The following SELENOO variants were observed in gnomAD, a reference collection of about 807,000 sequenced individuals.
SELENOO encodes protein adenylyltransferase SelO, mitochondrial.
In SELENOO, 74 loss-of-function variants were observed where a neutral mutation model predicts 58.7. The ratio of observed to expected loss-of-function variants is 1.26; its 90% CI spans 1.04 to 1.53. The LOEUF (loss-of-function observed/expected upper bound fraction) is 1.53, where lower values mean the gene tolerates loss of function less well. Among genes scored for constraint, SELENOO ranks in the 40% most tolerant of loss-of-function variants. SELENOO has a pLI of 0.00. For missense variants in SELENOO, 1,149 were observed against 970.0 expected (o/e 1.18, Z -2.45); for synonymous variants, 543 against 453.2 (o/e 1.20, Z -2.52).
intron 2 of SELENOO, among the ~76,000 whole-genome samples, chr22:50,207,248 C>A (rs1419065212): frequency 1.3e-5 from 2 of 152,118 alleles, no homozygotes; most frequent in Admixed American, 1.3e-4. Flanking sequence ...TCAGTCCCCC[C>A]AAATAGCTGG....
At position 50,216,960 on chromosome 22, in the gene SELENOO, ATGTCATTCCAGAGCCCGGC is replaced by A. The variant is rs1271779946; in HGVS notation, c.1689-9_1698del. 6.8e-6 allele frequency: 11 copies of A among 1,606,774 alleles called. No homozygotes were observed. Among genetic ancestry groups the A allele is most frequent in the Non-Finnish European group, 7.6e-6 (9 of 1,177,404 alleles). ...GCCCGGCTGTGACTCCAGAGCCCGG[ATGTCATTCCAGAGCCCGGC>A]TGGACAAGGACCTGGAAGGCGCTGG... On this transcript the variant is annotated splice_acceptor_variant and splice_polypyrimidine_tract_variant and coding_sequence_variant and intron_variant, in exon 8 of 9. Transcript: ENST00000380903. LOFTEE classifies it high-confidence loss of function.
intron 4 of SELENOO, 33 bp downstream of exon 4, chr22:50,210,344 C>A (rs756546573): frequency 6.2e-7 from 1 of 1,604,024 alleles, no homozygotes; most frequent in Non-Finnish European, 8.5e-7. Flanking sequence ...AAAGTGCAGG[C>A]CCCAGGGCTG....
At chr22:50,216,456 A>C (rs1251116149) in intron 6 of SELENOO, among the ~76,000 whole-genome samples, 1 of 152,248 alleles carries the variant, frequency 6.6e-6, no homozygotes, top group South Asian at 2.1e-4. Context: ...GCTGGGCAGC[A>C]GAGTGGTCCT....
intron 1 of SELENOO, among the ~76,000 whole-genome samples, chr22:50,204,535 G>A (rs1256419802): frequency 1.3e-5 from 2 of 152,044 alleles, no homozygotes; most frequent in Non-Finnish European, 2.9e-5. Flanking sequence ...GCTGAGGCAG[G>A]AGAATCACTT....
rs763374312 is a variant in SELENOO at position 50,206,301 on chromosome 22, CTG to C, written c.555-12_555-11del. On this transcript the variant is annotated splice_polypyrimidine_tract_variant and intron_variant, in intron 1 of 8. Transcript: ENST00000380903. ...TCCTGACCGGCCCACGTAGTGAACT[CTG>C]TGTTTGGTTTCAGACAGGCCGACGG... is the stretch of plus-strand genomic sequence containing the variant. 6.8e-6 allele frequency: 11 copies of C among 1,612,360 alleles called. No individual in the cohort carries two copies. Among genetic ancestry groups the C allele is most frequent in the East Asian group, 2.2e-5 (1 of 44,872 alleles).
chr22:50,217,606 A>AACTC lies in SELENOO; in HGVS notation c.*238_*241dup. On this transcript the variant is annotated 3_prime_UTR_variant, in exon 9 of 9. Transcript: ENST00000380903. Reference sequence around the variant, plus strand: ...GACCCAGGCTCCTAAATAAACCAGCAACTCCCTCGAGTCTGTCTCTGTGGT... The same window carrying AACTC: ...GACCCAGGCTCCTAAATAAACCAGCAACTCACTCCCTCGAGTCTGTCTCTGTGGT... 9.8e-7 allele frequency: 1 copy of AACTC among 1,024,350 alleles called. No individual in the cohort carries two copies. The highest frequency in any genetic ancestry group is 1.4e-6 in the Non-Finnish European group (1 of 711,242). 63.5% of individuals were successfully genotyped at this position (1,024,350 alleles called of 1,614,324 possible).
intron 1 of SELENOO, 60 bp downstream of exon 1, chr22:50,201,650 C>T (rs1377720238): frequency 1.2e-5 from 14 of 1,170,740 alleles, no homozygotes; most frequent in Non-Finnish European, 1.5e-5. Context: ...CCCCTTCCCT[C>T]CGCCCGGCGC....
chr22:50,212,755 A>G, intron 5 of SELENOO, among the ~76,000 whole-genome samples: 1 of 151,694 alleles, frequency 6.6e-6, no homozygotes, highest in Non-Finnish European at 1.5e-5. Flanking sequence ...GTGTAAGTGG[A>G]GTTACGCAGC....
At position 50,201,589 on chromosome 22, in the gene SELENOO, A is replaced by C; in HGVS notation, c.553A>C (p.Arg185=). The change falls in exon 1 of 9, where the codon AGA becomes CGA. Residue 185 remains arginine, a splice_region_variant and synonymous_variant. Coordinates refer to ENST00000380903, the MANE Select transcript of SELENOO (RefSeq NM_031454.2). The part of the protein sequence containing the change: ...LKGAGPTPFS[R]QADGRKVLRS... Reference sequence around the variant, plus strand: ...GGGCGCCGGGCCCACGCCCTTCTCCAGGTGGGCCGGGGCGGGCGAGGGGCG... The same window carrying C: ...GGGCGCCGGGCCCACGCCCTTCTCCCGGTGGGCCGGGGCGGGCGAGGGGCG... 7.7e-7 allele frequency: 1 copy of C among 1,299,868 alleles called. No individual in the cohort carries two copies. Among genetic ancestry groups the C allele is most frequent in the Non-Finnish European group, 9.8e-7 (1 of 1,021,160 alleles). The allele number at this position is 1,299,868 out of a possible 1,614,324, so 80.5% of individuals were successfully genotyped here.
At chr22:50,210,991 G>A in intron 5 of SELENOO, 80 bp downstream of exon 5, 1 of 1,503,842 alleles carries the variant, frequency 6.6e-7, no homozygotes, top group Non-Finnish European at 9.2e-7. Flanking sequence ...TGGCTTCCAG[G>A]TTCCAAGTGC....
At chr22:50,207,401 G>C (rs1274978239) in intron 2 of SELENOO, among the ~76,000 whole-genome samples, 1 of 152,040 alleles carries the variant, frequency 6.6e-6, no homozygotes, top group Non-Finnish European at 1.5e-5. Flanking sequence ...TAGAATTATA[G>C]GCCTGAGCCA....
intron 8 of SELENOO, 37 bp downstream of exon 8, chr22:50,217,165 G>T (rs368677884): frequency 1.2e-6 from 2 of 1,611,004 alleles, no homozygotes; most frequent in South Asian, 2.2e-5. Flanking sequence ...CCTGGGAGGG[G>T]GGTCGGCCCC....
At chr22:50,205,629 A>T (rs1239753993) in intron 1 of SELENOO, 1 of 152,370 alleles carries the variant, frequency 6.6e-6, no homozygotes, top group Non-Finnish European at 1.5e-5. Context: ...CACAGTGAAA[A>T]TAATTGAAGA....
Position 50,217,359 on chromosome 22 carries a change from G to C in SELENOO, c.2000G>C (p.Sec667Ser), listed in dbSNP as rs370673318. The C allele has an allele frequency of 4.5e-5, 72 of 1,612,640 alleles. No individual in the cohort carries two copies. The highest frequency in any genetic ancestry group is 5.7e-5 in the Non-Finnish European group (67 of 1,179,904). Residue 667 changes from selenocysteine to serine, a missense_variant, in exon 9 of 9, where the codon TGA becomes TCA. Transcript: ENST00000380903. ...TGGGCAGCAGAACTGTGCGTGACAT[G>C]ATCTTCGTAACGGCCTCGGCACGCT... ...PLWAAELCVT[U>S]SS
rs201931616 is a variant in SELENOO, at chr22:50,208,669, G to A, written c.892G>A (p.Ala298Thr). ...ISSFYPEIQAAHASDSVQRNA... is the reference protein window; with the variant it reads ...ISSFYPEIQATHASDSVQRNA... ...CTCCTTTTACCCCGAGATCCAGGCT[G>A]CTCATGCCAGCGACAGCGTGCAGAG... is the stretch of plus-strand genomic sequence containing the variant. The change falls in exon 3 of 9, where the codon GCT becomes ACT. Residue 298 changes from alanine to threonine, a missense_variant. Ala to Thr is a moderately conservative substitution (Grantham distance 58, BLOSUM62 0). Transcript: ENST00000380903. 294 of 1,613,678 alleles carry A rather than the reference G, an allele frequency of 1.8e-4. 1 individual carries two copies. The African/African-American group carries it at 3.7e-3, about 20-fold the overall frequency.
Position 50,217,185 on chromosome 22 carries a change from T to A in SELENOO, c.1846-20T>A. 6.2e-7 allele frequency: 1 copy of A among 1,611,652 alleles called. No homozygotes were observed. Among genetic ancestry groups the A allele is most frequent in the Non-Finnish European group, 8.5e-7 (1 of 1,178,914 alleles). ...GAGGGGGGTCGGCCCCAGACCCCTC[T>A]CACCCTCCTGATCCTCCAGGTGCGG... is the stretch of plus-strand genomic sequence containing the variant. On this transcript the variant is annotated intron_variant, in intron 8 of 8. Coordinates refer to ENST00000380903, the MANE Select transcript of SELENOO (RefSeq NM_031454.2).
In SELENOO at chr22:50,210,213, G is replaced by A. The variant is rs929776472; in HGVS notation, c.972G>A (p.Glu324=). Residue 324 remains glutamate (E), a synonymous_variant, in exon 4 of 9, where the codon GAG becomes GAA. Coordinates refer to ENST00000380903, the MANE Select transcript of SELENOO (RefSeq NM_031454.2). Reference sequence around the variant, plus strand: ...GGCGCACGGCGCGGATGGTGGCCGAGTGGCAGTGTGTGGGCTTCTGCCACG... The same window carrying A: ...GGCGCACGGCGCGGATGGTGGCCGAATGGCAGTGTGTGGGCTTCTGCCACG... ...VTRRTARMVA[E]WQCVGFCHGV... is the part of the protein sequence containing the mutation. 7 of 1,613,258 alleles carry A rather than the reference G, an allele frequency of 4.3e-6. No homozygotes were observed. The Admixed American group carries it at 6.7e-5, about 15-fold the overall frequency.
chr22:50,216,930 G>A, intron 7 of SELENOO, 42 bp from the exon 8 acceptor site: 1 of 1,602,988 alleles, frequency 6.2e-7, no homozygotes, highest in Non-Finnish European at 8.5e-7. Flanking sequence ...GCTGGAAAAA[G>A]TCCAGCCCGG....
chr22:50,210,806 A>G lies in SELENOO; in HGVS notation c.1246A>G (p.Arg416Gly), dbSNP rs1406975470. The change falls in exon 5 of 9, where the codon AGG becomes GGG. Residue 416 changes from arginine to glycine, a missense_variant. By Grantham distance (125) the Arg-to-Gly change is moderately radical (BLOSUM62 -2). Coordinates refer to ENST00000380903, the MANE Select transcript of SELENOO (RefSeq NM_031454.2). Reference sequence around the variant, plus strand: ...CGAGGAGTTTGACGCCGAGTTCCAAAGGCACTACCTGCAGAAGATGCGCAG... The same window carrying G: ...CGAGGAGTTTGACGCCGAGTTCCAAGGGCACTACCTGCAGAAGATGCGCAG... The part of the protein sequence containing the change: ...LAEEFDAEFQ[R>G]HYLQKMRRKL... 4.3e-6 allele frequency: 7 copies of G among 1,613,942 alleles called. No individual in the cohort carries two copies. The highest frequency in any genetic ancestry group is 5.9e-6 in the Non-Finnish European group (7 of 1,180,022).
Sources: gnomAD v4.1 joint callset for allele counts (sites outside exome capture counted in the v4.1 genomes callset) on GRCh38, gnomAD v4.1.1 for gene constraint, MANE v1.5 for transcripts, NCBI Gene and HGNC (gene_info 2026-07-23, HGNC 2026-07-21) for gene names.